TAFA2: variants seen among roughly 807,000 people sequenced by gnomAD.
The protein encoded by TAFA2 is chemokine-like protein TAFA-2.
A neutral mutation model predicts 18.8 loss-of-function variants in TAFA2; 7 were observed. The ratio of observed to expected loss-of-function variants is 0.37; its 90% confidence interval spans 0.21 to 0.70. The LOEUF is 0.70. Among genes scored for constraint, TAFA2 ranks in the 30% least tolerant of loss-of-function variants. TAFA2 has a pLI of 0.53. For synonymous variants in TAFA2, 60 were observed against 54.2 expected (o/e 1.11, Z -0.47); for missense variants, 122 against 158.1 (o/e 0.77, Z 1.23).
At chr12:62,247,089 T>C (rs1239913626) in intron 1 of TAFA2, among the ~76,000 whole-genome samples, 1 of 152,200 alleles carries the variant, frequency 6.6e-6, no homozygotes, top group Non-Finnish European at 1.5e-5. Flanking sequence ...GCTGCTGTTA[T>C]TGTTTCCTTG....
At chr12:61,848,031 A>G (rs1345999141) in intron 2 of TAFA2, among the ~76,000 whole-genome samples, 1 of 152,178 alleles carries the variant, frequency 6.6e-6, no homozygotes, top group Non-Finnish European at 1.5e-5. Flanking sequence ...AATTAATTCA[A>G]TTGATGGATT....
At position 61,710,550 on chromosome 12, in the gene TAFA2, A is replaced by G. The variant is rs73123731; in HGVS notation, c.385-133T>C. The stretch of plus-strand genomic sequence containing the variant: ...TATCAAATGCATTACTTAATTTTAA[A>G]GGACTAACAGATGCAGGTATTTCCA... On this transcript the variant is annotated intron_variant, in intron 4 of 4. Coordinates refer to ENST00000416284, the MANE Select transcript of TAFA2 (RefSeq NM_178539.5). 2.1e-3 allele frequency: 1,387 copies of G among 657,566 alleles called. 4 individuals carry two copies. The highest frequency in any genetic ancestry group is 4.8e-3 in the Middle Eastern group (12 of 2,486). The allele number at this position is 657,566 out of a possible 1,614,324, so 40.7% of individuals were successfully genotyped here.
At chr12:61,776,176 C>T in intron 2 of TAFA2, 2 of 314,238 alleles carry the variant, frequency 6.4e-6, no homozygotes, top group South Asian at 3.4e-5. Flanking sequence ...ATGATTCTTG[C>T]CAAAAGAATT....
chr12:61,764,860 A>G (rs963142361), intron 2 of TAFA2, among the ~76,000 whole-genome samples: 4 of 152,080 alleles, frequency 2.6e-5, no homozygotes, highest in African/African-American at 9.7e-5. Context: ...TCTTAACTGC[A>G]CAGTATAATA....
In TAFA2 at chr12:61,722,503, G is replaced by A. The variant is rs143719029; in HGVS notation, c.385-12086C>T. 5.9e-3 allele frequency among the ~76,000 whole-genome samples: 902 copies of A among 152,268 alleles called. 9 individuals carry two copies. Among genetic ancestry groups the A allele is most frequent in the African/African-American group, 0.021 (856 of 41,550 alleles). On this transcript the variant is annotated intron_variant, in intron 4 of 4. Transcript: ENST00000416284. ...GTGTTATGACCTGCAGTGGACACAT[G>A]TAGTTGAAGATAAATGATAAAGACT...
In TAFA2 at chr12:62,190,864, T is replaced by C. The variant is rs149564838; in HGVS notation, c.-2+395A>G. On this transcript the variant is annotated intron_variant, in intron 1 of 4. Transcript: ENST00000416284. Reference sequence around the variant, plus strand: ...CTGGAATGCGACCCCCAACTCCTTATTAAGAGTCCAAAATGGTTACCAGCC... The same window carrying C: ...CTGGAATGCGACCCCCAACTCCTTACTAAGAGTCCAAAATGGTTACCAGCC... Among the ~76,000 whole-genome samples, 907 of 152,132 alleles carry C rather than the reference T, an allele frequency of 6.0e-3. 5 individuals are homozygous for C. The highest frequency in any genetic ancestry group is 0.02 in the African/African-American group (836 of 41,496).
rs75306251 is a variant in TAFA2 at position 61,723,930 on chromosome 12, C to T, written c.385-13513G>A. Among the ~76,000 whole-genome samples the T allele has an allele frequency of 6.0e-3, 916 of 152,170 alleles. 3 individuals are homozygous for T. The highest frequency in any genetic ancestry group is 0.021 in the African/African-American group (869 of 41,524). Reference sequence around the variant, plus strand: ...TGAAATATTTCATGAGACAATTACCCTACACCAAGGAATTACATGCTCACT... The same window carrying T: ...TGAAATATTTCATGAGACAATTACCTTACACCAAGGAATTACATGCTCACT... On this transcript the variant is annotated intron_variant, in intron 4 of 4. Transcript: ENST00000416284.
intron 1 of TAFA2, among the ~76,000 whole-genome samples, chr12:62,071,286 G>A (rs946915568): frequency 4.6e-5 from 7 of 152,160 alleles, no homozygotes; most frequent in African/African-American, 1.7e-4. Context: ...GACCCGGGAA[G>A]GTCAGCATGT....
In TAFA2 at chr12:61,937,585, G is replaced by A. The variant is rs1013644512; in HGVS notation, c.-1-70159C>T. ...CACACCCTATTTAATAAATGATGCT[G>A]GGAAAATGGATAGCCACATGTAGAA... On this transcript the variant is annotated intron_variant, in intron 1 of 4. Coordinates refer to ENST00000416284, the MANE Select transcript of TAFA2 (RefSeq NM_178539.5). 6.6e-5 allele frequency among the ~76,000 whole-genome samples: 10 copies of A among 152,254 alleles called. No homozygotes were observed. In the East Asian group the frequency reaches 1.9e-3, roughly 29 times the overall value.
chr12:61,847,344 C>T (rs1275455584), intron 2 of TAFA2, among the ~76,000 whole-genome samples: 1 of 151,984 alleles, frequency 6.6e-6, no homozygotes. Context: ...TCTCTTGGTA[C>T]TTAAGTAGTA....
At chr12:61,718,095 C>T (rs955420044) in intron 4 of TAFA2, among the ~76,000 whole-genome samples, 1 of 152,174 alleles carries the variant, frequency 6.6e-6, no homozygotes, top group Non-Finnish European at 1.5e-5. Context: ...AACTAGTGAG[C>T]TCCTACCACA....
intron 1 of TAFA2, among the ~76,000 whole-genome samples, chr12:62,233,874 A>C (rs2062823787): frequency 6.6e-6 from 1 of 152,204 alleles, no homozygotes; most frequent in Admixed American, 6.5e-5. Flanking sequence ...AGACCGAGGC[A>C]GCAAAGTAGG....
chr12:62,219,799 TTAAAG>T (rs1001311631), intron 1 of TAFA2, among the ~76,000 whole-genome samples: 88 of 152,282 alleles, frequency 5.8e-4, no homozygotes, highest in Non-Finnish European at 1.1e-3. Context: ...CAATAGGTTG[TTAAAG>T]TAAAGAAATG....
intron 2 of TAFA2, among the ~76,000 whole-genome samples, chr12:61,816,679 T>C (rs1255135728): frequency 1.3e-5 from 2 of 151,222 alleles, no homozygotes; most frequent in Non-Finnish European, 2.9e-5. Flanking sequence ...AAGTAGAGCA[T>C]TGGGATAAGT....
intron 1 of TAFA2, among the ~76,000 whole-genome samples, chr12:62,098,567 C>T (rs1356480351): frequency 6.6e-6 from 1 of 152,176 alleles, no homozygotes; most frequent in Non-Finnish European, 1.5e-5. Context: ...AATTAAGGCT[C>T]TAATTCTTGC....
At chr12:62,186,701 T>A (rs2062588059) in intron 1 of TAFA2, among the ~76,000 whole-genome samples, 1 of 152,152 alleles carries the variant, frequency 6.6e-6, no homozygotes, top group East Asian at 1.9e-4. Flanking sequence ...CTTAGGAGAT[T>A]GAAGGAAGTG....
intron 1 of TAFA2, among the ~76,000 whole-genome samples, chr12:62,048,981 A>G (rs941569547): frequency 6.6e-6 from 1 of 152,200 alleles, no homozygotes; most frequent in African/African-American, 2.4e-5. Context: ...GCAGCTGTTC[A>G]TGTTGCTAAG....
chr12:61,988,816 A>G (rs1879902250), intron 1 of TAFA2, among the ~76,000 whole-genome samples: 1 of 152,134 alleles, frequency 6.6e-6, no homozygotes, highest in Admixed American at 6.5e-5. Context: ...GATGAGTGCT[A>G]CAGGATGTGG....
intron 1 of TAFA2, among the ~76,000 whole-genome samples, chr12:61,922,678 G>A (rs1283729446): frequency 1.3e-5 from 2 of 152,152 alleles, no homozygotes; most frequent in Admixed American, 6.5e-5. Context: ...GACCATTTGG[G>A]CAGACACCTA....
Sources: allele counts gnomAD v4.1 joint callset (sites outside exome capture counted in the v4.1 genomes callset), GRCh38; gene constraint gnomAD v4.1.1; transcripts MANE v1.5; gene names NCBI Gene and HGNC (gene_info 2026-07-23, HGNC 2026-07-21).